COL22A1: variants seen among roughly 807,000 people sequenced by gnomAD.
COL22A1 encodes the protein collagen alpha-1(XXII) chain.
In COL22A1, 221 loss-of-function variants were observed where a neutral mutation model predicts 248.9. The ratio of observed to expected loss-of-function variants is 0.89; its 90% CI spans 0.80 to 0.99. The LOEUF is 0.99. COL22A1 is among the 50% of genes least tolerant of loss of function. The probability of loss-of-function intolerance (pLI) is 0.00; values close to 1 mark genes in which losing one functional copy is unlikely to be tolerated. For missense variants in COL22A1, 2,240 were observed against 2,179.0 expected, an observed-to-expected ratio of 1.03 and a Z score of -0.56; for synonymous variants, 891 against 793.4, an observed-to-expected ratio of 1.12 and a Z score of -2.07.
chr8:138,871,224 G>T (rs1464326848), intron 3 of COL22A1, among the ~76,000 whole-genome samples: 22 of 152,104 alleles, frequency 1.4e-4, no homozygotes, highest in Non-Finnish European at 2.9e-5. Flanking sequence ...AAAGATAATT[G>T]CAGGGGCTCT....
chr8:138,839,594 T>C (rs540502011), intron 4 of COL22A1, among the ~76,000 whole-genome samples: 3 of 151,970 alleles, frequency 2.0e-5, no homozygotes, highest in Non-Finnish European at 4.4e-5. Context: ...AGCTGGGAAC[T>C]GGAGGGCAGA....
At chr8:138,724,076 C>T (rs116708880) in intron 25 of COL22A1, among the ~76,000 whole-genome samples, 2,655 of 152,280 alleles carry the variant, frequency 0.017, 66 homozygotes, top group African/African-American at 0.058. Context: ...TCTCAGCCCA[C>T]GTCATCCATC....
chr8:138,737,426 G>T, intron 23 of COL22A1, 98 bp downstream of exon 23: 2 of 845,766 alleles, frequency 2.4e-6, no homozygotes, highest in Non-Finnish European at 4.1e-6. Context: ...GAGGTGACCA[G>T]CAGGATTCTG....
intron 37 of COL22A1, 120 bp downstream of exon 37, chr8:138,688,797 A>T: frequency 1.3e-6 from 1 of 789,758 alleles, no homozygotes. Flanking sequence ...CCTCCTACTT[A>T]GTAAACCCCT....
chr8:138,779,616 C>T, intron 13 of COL22A1, 54 bp from the exon 14 acceptor site: 2 of 1,259,614 alleles, frequency 1.6e-6, no homozygotes, highest in Non-Finnish European at 2.3e-6. Context: ...GGCCCAGGTA[C>T]ACCAGAGAAG....
chr8:138,719,039 A>C (rs2131118712), intron 27 of COL22A1, among the ~76,000 whole-genome samples: 1 of 152,348 alleles, frequency 6.6e-6, no homozygotes, highest in East Asian at 1.9e-4. Context: ...GGATTTGCCA[A>C]TTCACAAATT....
At chr8:138,777,166 T>G (rs1814541197) in intron 15 of COL22A1, among the ~76,000 whole-genome samples, 1 of 152,208 alleles carries the variant, frequency 6.6e-6, no homozygotes, top group African/African-American at 2.4e-5. Context: ...CCCTGGGGCA[T>G]TCTATGGAAA....
chr8:138,666,817 T>C (rs1824543511), intron 41 of COL22A1, among the ~76,000 whole-genome samples: 1 of 152,230 alleles, frequency 6.6e-6, no homozygotes, highest in Non-Finnish European at 1.5e-5. Context: ...TTTTCTTATG[T>C]CATTTAACAG....
At chr8:138,866,328 G>A (rs893709023) in intron 3 of COL22A1, among the ~76,000 whole-genome samples, 1 of 152,116 alleles carries the variant, frequency 6.6e-6, no homozygotes, top group Admixed American at 6.5e-5. Context: ...GACATGAGAG[G>A]CACTCAGAAG....
chr8:138,713,060 T>A (rs1829132317), intron 30 of COL22A1, among the ~76,000 whole-genome samples: 1 of 152,186 alleles, frequency 6.6e-6, no homozygotes, highest in South Asian at 2.1e-4. Flanking sequence ...TGAAAGCACG[T>A]ATTTTAGAGC....
rs758344167 is a variant in COL22A1 at position 138,796,824 on chromosome 8, C to T, written c.1591G>A (p.Glu531Lys). 9 of 1,599,366 alleles carry T rather than the reference C, an allele frequency of 5.6e-6. No individual in the cohort carries two copies. Among genetic ancestry groups the T allele is most frequent in the Non-Finnish European group, 7.7e-6 (9 of 1,166,708 alleles). ...IGPFGQGEKG[E>K]KGSLGLPGPP... is the part of the protein sequence containing the mutation. The stretch of plus-strand genomic sequence containing the variant: ...GATAAAAGGAAGATGCTTACCTTTT[C>T]ACCCTTTTCCCCTTGGCCAAAAGGT... The change falls in exon 12 of 65, where the codon GAA (glutamate) becomes AAA (lysine). Residue 531 changes from glutamate (E) to lysine (K), a missense_variant. Coordinates refer to ENST00000303045, the MANE Select transcript of COL22A1 (RefSeq NM_152888.3).
At chr8:138,830,043 G>A (rs1819917213) in intron 5 of COL22A1, among the ~76,000 whole-genome samples, 1 of 152,118 alleles carries the variant, frequency 6.6e-6, no homozygotes, top group African/African-American at 2.4e-5. Context: ...TAATCAGGGA[G>A]AAAAAAGATC....
chr8:138,744,481 CCACA>C (rs60847304), intron 22 of COL22A1, among the ~76,000 whole-genome samples: 84 of 148,730 alleles, frequency 5.6e-4, no homozygotes, highest in South Asian at 6.4e-4. Flanking sequence ...CACACACACA[CCACA>C]CACACACACA....
chr8:138,895,261 G>A (rs182514465), intron 1 of COL22A1, among the ~76,000 whole-genome samples: 1 of 152,144 alleles, frequency 6.6e-6, no homozygotes, highest in African/African-American at 2.4e-5. Flanking sequence ...GGATACAACT[G>A]AAAGTAACTT....
chr8:138,600,516 C>G (rs557791667), intron 60 of COL22A1, among the ~76,000 whole-genome samples: 57 of 152,232 alleles, frequency 3.7e-4, no homozygotes, highest in African/African-American at 1.3e-3. Flanking sequence ...ACATTTATAA[C>G]ACACACCACA....
chr8:138,748,320 A>G (rs10093176), intron 22 of COL22A1, among the ~76,000 whole-genome samples: 91,531 of 152,030 alleles, frequency 0.6, 28,147 homozygotes, highest in South Asian at 0.71. Flanking sequence ...GTGAGCTCCT[A>G]GTAGCTGAGA....
Position 138,703,295 on chromosome 8 carries a change from G to T in COL22A1, c.2559+11C>A. On this transcript the variant is annotated intron_variant, in intron 31 of 64. Coordinates refer to ENST00000303045, the MANE Select transcript of COL22A1 (RefSeq NM_152888.3). ...TTCAGAGGAGAAAGAATTAGAAGCG[G>T]AGTAACTTACAGTTCCAGGTAACCC... 1 of 1,610,906 alleles carries T rather than the reference G, an allele frequency of 6.2e-7. No homozygotes were observed. The highest frequency in any genetic ancestry group is 8.5e-7 in the Non-Finnish European group (1 of 1,177,126).
At chr8:138,885,980 A>G (rs1178087867) in intron 1 of COL22A1, among the ~76,000 whole-genome samples, 1 of 151,980 alleles carries the variant, frequency 6.6e-6, no homozygotes, top group East Asian at 1.9e-4. Context: ...TTTTCCAACA[A>G]CCCATTAGGT....
chr8:138,808,128 C>G (rs1817885012), intron 9 of COL22A1, among the ~76,000 whole-genome samples: 1 of 152,132 alleles, frequency 6.6e-6, no homozygotes, highest in Non-Finnish European at 1.5e-5. Context: ...CATGAAACAC[C>G]AAGAAGCAGA....
Sources: gnomAD v4.1 joint callset for allele counts (sites outside exome capture counted in the v4.1 genomes callset) on GRCh38, gnomAD v4.1.1 for gene constraint, MANE v1.5 for transcripts, NCBI Gene and HGNC (gene_info 2026-07-23, HGNC 2026-07-21) for gene names.